Variants in P2RY8 observed in about 807,000 individuals in gnomAD.
P2RY8 encodes P2Y receptor family member 8, also known as S-geranylgeranyl-glutathione receptor P2RY8.
In P2RY8, 6 loss-of-function variants were observed where a neutral mutation model predicts 10.0. The ratio of observed to expected loss-of-function variants is 0.60; its 90% CI spans 0.33 to 1.19. The LOEUF (loss-of-function observed/expected upper bound fraction) is 1.19, where lower values mean the gene tolerates loss of function less well. Ranked by LOEUF, P2RY8 falls within the 50% of genes most tolerant of loss-of-function variation. The pLI is 0.04. For synonymous variants in P2RY8, 276 were observed against 252.5 expected, an observed-to-expected ratio of 1.09 and a Z score of -0.88; for missense variants, 456 against 542.0, an observed-to-expected ratio of 0.84 and a Z score of 1.58.
In P2RY8 at chrX:1,463,772, G is replaced by C; in HGVS notation, c.*1707C>G. On this transcript the variant is annotated 3_prime_UTR_variant, in exon 2 of 2. Coordinates refer to ENST00000381297, the MANE Select transcript of P2RY8 (RefSeq NM_178129.5). Reference sequence around the variant, plus strand: ...GGGGACTCCAGGCATCCCTGGGCTTGGGGCAGCATCACTTCAGTCTCTGCC... The same window carrying C: ...GGGGACTCCAGGCATCCCTGGGCTTCGGGCAGCATCACTTCAGTCTCTGCC... 1 of 233,082 alleles carries C rather than the reference G, an allele frequency of 4.3e-6. No individual in the cohort carries two copies. The allele number at this position is 233,082 out of a possible 1,614,324, so 14.4% of individuals were successfully genotyped here. A position where few individuals can be genotyped will look rare whatever the true frequency, so the allele number is the denominator to read the frequency against.
In P2RY8 at chrX:1,466,063, G is replaced by C. The variant is rs750297484; in HGVS notation, c.496C>G (p.Pro166Ala). 9.9e-6 allele frequency: 16 copies of C among 1,611,698 alleles called. No homozygotes were observed. Among genetic ancestry groups the C allele is most frequent in the Non-Finnish European group, 1.4e-5 (16 of 1,179,764 alleles). Reference sequence around the variant, plus strand: ...GTGATGATGCCCAGGGCGTGCACCGGGTAGGTGAGATCGGTGCGCGCCAGC... The same window carrying C: ...GTGATGATGCCCAGGGCGTGCACCGCGTAGGTGAGATCGGTGCGCGCCAGC... Reference protein sequence around the residue: ...SPLARTDLTYPVHALGIITCF... With the variant: ...SPLARTDLTYAVHALGIITCF... Residue 166 changes from proline to alanine, a missense_variant, in exon 2 of 2, where the codon CCG becomes GCG. Physicochemically the swap from Pro to Ala is conservative, Grantham distance 27 (BLOSUM62 -1). Transcript: ENST00000381297.
intron 1 of P2RY8, among the ~76,000 whole-genome samples, chrX:1,480,693 G>A: frequency 6.6e-6 from 1 of 152,212 alleles, no homozygotes; most frequent in African/African-American, 2.4e-5. Flanking sequence ...ATAGAGGAGG[G>A]AGAGCATTAG....
rs1237489176 is a variant in P2RY8 at position 1,495,557 on chromosome X, C to T, written c.-24-28975G>A. Reference sequence around the variant, plus strand: ...CCATACCTGGATCTCAGACCTCCAGCCTCCAGGACTGTGGGAGAATCAATG... The same window carrying T: ...CCATACCTGGATCTCAGACCTCCAGTCTCCAGGACTGTGGGAGAATCAATG... On this transcript the variant is annotated intron_variant, in intron 1 of 1. Coordinates refer to ENST00000381297, the MANE Select transcript of P2RY8 (RefSeq NM_178129.5). Among the ~76,000 whole-genome samples the T allele has an allele frequency of 5.1e-4, 75 of 147,602 alleles. 1 individual carries two copies. The highest frequency in any genetic ancestry group is 1.9e-3 in the African/African-American group (74 of 38,874).
At chrX:1,471,190 T>C (rs1302020908) in intron 1 of P2RY8, among the ~76,000 whole-genome samples, 17 of 151,966 alleles carry the variant, frequency 1.1e-4, no homozygotes, top group African/African-American at 4.1e-4. Context: ...GTATTTTTAG[T>C]AGAGACAGGG....
At chrX:1,484,282 G>A (rs868492717) in intron 1 of P2RY8, among the ~76,000 whole-genome samples, 1 of 152,230 alleles carries the variant, frequency 6.6e-6, no homozygotes, top group South Asian at 2.1e-4. Flanking sequence ...CCTCTGAAAG[G>A]TGAAAGGGTC....
intron 1 of P2RY8, among the ~76,000 whole-genome samples, chrX:1,509,511 CCATT>C (rs2092276317): frequency 1.1e-5 from 1 of 94,314 alleles, no homozygotes; most frequent in South Asian, 3.7e-4. Flanking sequence ...CTCCATCCAT[CCATT>C]CATCCATCCA....
At chrX:1,509,083 C>G (rs867106096) in intron 1 of P2RY8, among the ~76,000 whole-genome samples, 9 of 132,754 alleles carry the variant, frequency 6.8e-5, no homozygotes, top group Non-Finnish European at 1.0e-4. Flanking sequence ...ATCTATGTAT[C>G]TATCTATGTA....
In P2RY8 at chrX:1,466,091, G is replaced by T. The variant is rs767069984; in HGVS notation, c.468C>A (p.Ser156=). The T allele has an allele frequency of 1.8e-5, 29 of 1,611,546 alleles. No individual in the cohort carries two copies. In the African/African-American group the frequency reaches 3.3e-4, roughly 19 times the overall value. ...GTWLLLLTAL[S]PLARTDLTYP... ...AGGTGAGATCGGTGCGCGCCAGCGGGGACAGGGCGGTCAGGAGCAGCAGCC... is the reference window on the plus strand; with the variant it reads ...AGGTGAGATCGGTGCGCGCCAGCGGTGACAGGGCGGTCAGGAGCAGCAGCC... Residue 156 remains serine (S), a synonymous_variant, in exon 2 of 2, where the codon TCC becomes TCA. Transcript: ENST00000381297.
intron 1 of P2RY8, among the ~76,000 whole-genome samples, chrX:1,481,136 C>T (rs1427416489): frequency 6.6e-6 from 1 of 151,908 alleles, no homozygotes; most frequent in African/African-American, 2.4e-5. Context: ...TCCCTGCACC[C>T]TCTGACCTTT....
At chrX:1,517,033 T>C (rs747685722) in intron 1 of P2RY8, among the ~76,000 whole-genome samples, 80 of 146,572 alleles carry the variant, frequency 5.5e-4, no homozygotes, top group African/African-American at 2.0e-3. Context: ...GATGGACGAC[T>C]CTGTGAGGAC....
At chrX:1,517,962 A>T (rs2092362559) in intron 1 of P2RY8, among the ~76,000 whole-genome samples, 1 of 151,082 alleles carries the variant, frequency 6.6e-6, no homozygotes, top group Admixed American at 6.6e-5. Flanking sequence ...TACAAAAATT[A>T]GCTGGGCGTG....
At chrX:1,498,452 A>G (rs1453322548) in intron 1 of P2RY8, among the ~76,000 whole-genome samples, 1 of 150,898 alleles carries the variant, frequency 6.6e-6, no homozygotes, top group Non-Finnish European at 1.5e-5. Flanking sequence ...GAAGAGGGCC[A>G]GCCCATCTTG....
intron 1 of P2RY8, among the ~76,000 whole-genome samples, chrX:1,484,966 C>T (rs2091973984): frequency 7.0e-6 from 1 of 142,396 alleles, no homozygotes; most frequent in East Asian, 2.1e-4. Flanking sequence ...ACATCTGATT[C>T]CTTAATGATG....
rs765148420 is a variant in P2RY8, at chrX:1,465,577, C to A, written c.982G>T (p.Ala328Ser). The change falls in exon 2 of 2, where the codon GCC becomes TCC. Residue 328 changes from alanine (A) to serine (S), a missense_variant. By Grantham distance (99) the Ala-to-Ser change is moderately conservative. Coordinates refer to ENST00000381297, the MANE Select transcript of P2RY8 (RefSeq NM_178129.5). The part of the protein sequence containing the change: ...LDTRRESLFS[A>S]RTTSVRSEAG... ...TCGGAGCGCACGGACGTGGTCCTGG[C>A]GGAGAAGAGGCTCTCGCGGCGCGTG... 1.2e-6 allele frequency: 2 copies of A among 1,612,826 alleles called. No individual in the cohort carries two copies. Among genetic ancestry groups the A allele is most frequent in the East Asian group, 4.5e-5 (2 of 44,864 alleles).
chrX:1,465,548 G>C lies in P2RY8; in HGVS notation c.1011C>G (p.Ala337=), dbSNP rs2091655933. The C allele has an allele frequency of 1.9e-6, 3 of 1,612,272 alleles. No homozygotes were observed. The highest frequency in any genetic ancestry group is 1.7e-6 in the Non-Finnish European group (2 of 1,179,738). Residue 337 remains alanine, a synonymous_variant, in exon 2 of 2, where the codon GCC becomes GCG. Transcript: ENST00000381297. ...CCTCCATCCCTTCAGGGTGCGCACC[G>C]GCCTCGGAGCGCACGGACGTGGTCC... ...SARTTSVRSE[A]GAHPEGMEGA...
chrX:1,476,845 A>C (rs1339922195), intron 1 of P2RY8, among the ~76,000 whole-genome samples: 4 of 152,100 alleles, frequency 2.6e-5, no homozygotes, highest in Non-Finnish European at 5.9e-5. Context: ...AGAAGCATCC[A>C]GCCTCAAATA....
At chrX:1,497,521 G>C in intron 1 of P2RY8, among the ~76,000 whole-genome samples, 1 of 151,774 alleles carries the variant, frequency 6.6e-6, no homozygotes, top group East Asian at 2.0e-4. Context: ...AGCCGGGCAT[G>C]GTGGCGGGTG....
intron 1 of P2RY8, among the ~76,000 whole-genome samples, chrX:1,501,197 C>T (rs1415274474): frequency 6.6e-6 from 1 of 152,212 alleles, no homozygotes; most frequent in Non-Finnish European, 1.5e-5. Context: ...TGTGTCTTCT[C>T]AGATACCATG....
rs1245716387 is a variant in P2RY8, at chrX:1,537,000, G to A, written c.-104C>T. 1.3e-5 allele frequency: 3 copies of A among 232,134 alleles called. No homozygotes were observed. Among genetic ancestry groups the A allele is most frequent in the African/African-American group, 4.4e-5 (2 of 45,356 alleles). 14.4% of individuals were successfully genotyped at this position (232,134 alleles called of 1,614,324 possible). On this transcript the variant is annotated 5_prime_UTR_variant, in exon 1 of 2. Coordinates refer to ENST00000381297, the MANE Select transcript of P2RY8 (RefSeq NM_178129.5). ...AACAGGATGCAACGCTTAAGTCGACGGCCGTGCCTCAGAGCCCGGGACTCG... is the reference window on the plus strand; with the variant it reads ...AACAGGATGCAACGCTTAAGTCGACAGCCGTGCCTCAGAGCCCGGGACTCG...
Sources: allele counts gnomAD v4.1 joint callset (sites outside exome capture counted in the v4.1 genomes callset), GRCh38; gene constraint gnomAD v4.1.1; transcripts MANE v1.5; gene names NCBI Gene and HGNC (gene_info 2026-07-23, HGNC 2026-07-21).